TEKT5: variants seen among roughly 807,000 people sequenced by gnomAD.
TEKT5 encodes tektin 5, also known as tektin-5.
In TEKT5, 52 loss-of-function variants were observed where a neutral mutation model predicts 48.7. The observed-to-expected ratio is 1.07, with a 90% CI of 0.86 to 1.35. The LOEUF is 1.35. TEKT5 is among the 40% of genes most tolerant of loss of function. TEKT5 has a pLI of 0.00. For synonymous variants in TEKT5, 318 were observed against 267.6 expected, an observed-to-expected ratio of 1.19 and a Z score of -1.84; for missense variants, 831 against 641.6, an observed-to-expected ratio of 1.30 and a Z score of -3.19.
chr16:10,690,642 G>C (rs925500966), intron 1 of TEKT5: 1 of 985,406 alleles, frequency 1.0e-6, no homozygotes, highest in Non-Finnish European at 1.2e-6. Context: ...TCCCAGTGGA[G>C]GGACAGTTTG....
At chr16:10,635,981 C>T in intron 5 of TEKT5, 63 bp from the exon 6 acceptor site, 2 of 1,586,328 alleles carry the variant, frequency 1.3e-6, no homozygotes, top group Non-Finnish European at 1.7e-6. Context: ...TGACTGGGGG[C>T]CTGGGGGGAG....
chr16:10,685,529 G>A lies in TEKT5; in HGVS notation c.720-3393C>T, dbSNP rs542593331. Among the ~76,000 whole-genome samples the A allele has an allele frequency of 3.9e-5, 6 of 151,998 alleles. No individual in the cohort carries two copies. The East Asian group carries it at 1.2e-3, about 30-fold the overall frequency. ...CCAGACTGGTCTCGAACTCCTGACC[G>A]CAAGTGATCCACCCACCTCGGCCTC... On this transcript the variant is annotated intron_variant, in intron 3 of 6. Transcript: ENST00000283025.
intron 5 of TEKT5, among the ~76,000 whole-genome samples, chr16:10,638,991 G>A: frequency 6.6e-6 from 1 of 152,134 alleles, no homozygotes. Flanking sequence ...TACAACATAA[G>A]GGTCCCAAAG....
At chr16:10,680,542 C>T (rs1197151371) in intron 4 of TEKT5, among the ~76,000 whole-genome samples, 1 of 151,816 alleles carries the variant, frequency 6.6e-6, no homozygotes, top group Non-Finnish European at 1.5e-5. Context: ...AGACCTCAGA[C>T]TACCAACTGG....
intron 5 of TEKT5, among the ~76,000 whole-genome samples, chr16:10,659,756 C>T (rs76634151): frequency 0.047 from 7,114 of 152,128 alleles, 211 homozygotes; most frequent in Non-Finnish European, 0.056. Flanking sequence ...AAGGCCTGTA[C>T]GCTCATTATT....
intron 5 of TEKT5, among the ~76,000 whole-genome samples, chr16:10,670,588 C>T (rs2719695): frequency 0.31 from 46,909 of 152,020 alleles, 8,801 homozygotes; most frequent in East Asian, 0.54. Flanking sequence ...GGTTGCTATA[C>T]ATTTATCTTC....
In TEKT5 at chr16:10,627,649, G is replaced by T. The variant is rs748773550; in HGVS notation, c.1392C>A (p.Asp464Glu). Residue 464 changes from aspartate (D) to glutamate (E), a missense_variant, in exon 7 of 7, where the codon GAC becomes GAA. Coordinates refer to ENST00000283025, the MANE Select transcript of TEKT5 (RefSeq NM_144674.2). The part of the protein sequence containing the change: ...LAIKANTLCI[D>E]KEKCMGMRKT... The stretch of plus-strand genomic sequence containing the variant: ...TACGCATGCCCATGCACTTCTCCTT[G>T]TCGATGCAGAGGGTGTTGGCCTTGA... The T allele has an allele frequency of 1.2e-6, 2 of 1,614,206 alleles. No individual in the cohort carries two copies. The highest frequency in any genetic ancestry group is 2.2e-5 in the South Asian group (2 of 91,086).
Position 10,694,559 on chromosome 16 carries a change from G to C in TEKT5, c.315C>G (p.Ala105=), listed in dbSNP as rs554768861. The C allele has an allele frequency of 6.2e-7, 1 of 1,602,754 alleles. No individual in the cohort carries two copies. Among genetic ancestry groups the C allele is most frequent in the Non-Finnish European group, 8.5e-7 (1 of 1,174,442 alleles). ...DQSNQLQVRG[A]EASRLWASRL... is the part of the protein sequence containing the mutation. ...GGCTGGCCCACAGCCGGGAGGCCTCGGCCCCACGCACCTGCAGCTGGTTGG... is the reference window on the plus strand; with the variant it reads ...GGCTGGCCCACAGCCGGGAGGCCTCCGCCCCACGCACCTGCAGCTGGTTGG... Residue 105 remains alanine (A), a synonymous_variant, in exon 1 of 7, where the codon GCC becomes GCG. Coordinates refer to ENST00000283025, the MANE Select transcript of TEKT5 (RefSeq NM_144674.2).
At chr16:10,659,344 C>T (rs1021505911) in intron 5 of TEKT5, among the ~76,000 whole-genome samples, 3 of 152,108 alleles carry the variant, frequency 2.0e-5, no homozygotes, top group Non-Finnish European at 4.4e-5. Context: ...AAGATTAATA[C>T]AGTTGTGTTC....
rs1327912417 is a variant in TEKT5, at chr16:10,687,513, G to A, written c.719+1740C>T. On this transcript the variant is annotated intron_variant, in intron 3 of 6. Transcript: ENST00000283025. Reference sequence around the variant, plus strand: ...ATAATCTCAGCACTCAGCACTGTGGGAGCCTGAGGTGGGCAGATCACCTGA... The same window carrying A: ...ATAATCTCAGCACTCAGCACTGTGGAAGCCTGAGGTGGGCAGATCACCTGA... Among the ~76,000 whole-genome samples the A allele has an allele frequency of 7.9e-5, 12 of 152,252 alleles. 1 individual carries two copies. Among genetic ancestry groups the A allele is most frequent in the Admixed American group, 2.6e-4 (4 of 15,288 alleles).
intron 6 of TEKT5, 79 bp downstream of exon 6, chr16:10,635,685 T>C: frequency 6.5e-7 from 1 of 1,548,772 alleles, no homozygotes. Context: ...CCAGTGCACC[T>C]AGAAGCTCCT....
At chr16:10,678,874 A>G (rs1898695671) in intron 4 of TEKT5, among the ~76,000 whole-genome samples, 1 of 152,202 alleles carries the variant, frequency 6.6e-6, no homozygotes, top group Non-Finnish European at 1.5e-5. Flanking sequence ...CTCAGCAGGC[A>G]GTGTGTCTCA....
intron 5 of TEKT5, among the ~76,000 whole-genome samples, chr16:10,656,728 G>A (rs529202204): frequency 1.1e-4 from 16 of 152,244 alleles, no homozygotes; most frequent in African/African-American, 2.9e-4. Context: ...ATTCAACTGG[G>A]TACATGCAAA....
chr16:10,629,608 C>T (rs1466515397), intron 6 of TEKT5, among the ~76,000 whole-genome samples: 1 of 152,208 alleles, frequency 6.6e-6, no homozygotes, highest in Non-Finnish European at 1.5e-5. Flanking sequence ...AAGAGCCTCA[C>T]TCAGGTCTTC....
In TEKT5 at chr16:10,667,880, A is replaced by AT. The variant is rs59048654; in HGVS notation, c.1086+8078dup. On this transcript the variant is annotated intron_variant, in intron 5 of 6. Coordinates refer to ENST00000283025, the MANE Select transcript of TEKT5 (RefSeq NM_144674.2). ...GCAAAATGGGAAAAATAAGTTAATA[A>AT]TTTTTTTTTTTTTTTGAGATGGAGA... 4.1e-3 allele frequency among the ~76,000 whole-genome samples: 275 copies of AT among 67,390 alleles called. 1 individual carries two copies. The highest frequency in any genetic ancestry group is 0.012 in the African/African-American group (135 of 10,878). The allele number at this position is 67,390 out of a possible 152,430, so 44.2% of individuals were successfully genotyped here. A position where few individuals can be genotyped will look rare whatever the true frequency, so the allele number is the denominator to read the frequency against.
At chr16:10,668,628 C>G (rs1290913091) in intron 5 of TEKT5, among the ~76,000 whole-genome samples, 2 of 152,256 alleles carry the variant, frequency 1.3e-5, no homozygotes, top group Non-Finnish European at 2.9e-5. Context: ...GGCCTTCCTG[C>G]CCAGGCCTTC....
intron 5 of TEKT5, among the ~76,000 whole-genome samples, chr16:10,655,330 G>A (rs1199305663): frequency 2.0e-5 from 3 of 152,048 alleles, no homozygotes; most frequent in East Asian, 1.9e-4. Context: ...AGAACCCACC[G>A]GAACTCCTGG....
chr16:10,638,260 A>AAC (rs144020950), intron 5 of TEKT5, among the ~76,000 whole-genome samples: 2,082 of 152,304 alleles, frequency 0.014, 54 homozygotes, highest in African/African-American at 0.048. Context: ...GCCAACCACA[A>AAC]ACACCCGGAA....
chr16:10,684,251 TG>T (rs2142310748), intron 3 of TEKT5, among the ~76,000 whole-genome samples: 1 of 152,342 alleles, frequency 6.6e-6, no homozygotes, highest in Admixed American at 6.5e-5. Flanking sequence ...CGAGTGTATC[TG>T]TTCTCTATCT....
Sources: gnomAD v4.1 joint callset for allele counts (sites outside exome capture counted in the v4.1 genomes callset) on GRCh38, gnomAD v4.1.1 for gene constraint, MANE v1.5 for transcripts, NCBI Gene and HGNC (gene_info 2026-07-23, HGNC 2026-07-21) for gene names.